The following ZNF528 variants were observed in gnomAD, a reference collection of about 807,000 sequenced individuals.
ZNF528 encodes zinc finger protein 528.
ZNF528 carries 9 observed loss-of-function variants against 13.3 expected under a neutral mutation model. That is an observed-to-expected ratio of 0.67 (90% CI 0.41 to 1.18). The LOEUF is 1.18. Ranked by LOEUF, ZNF528 falls within the 50% of genes most tolerant of loss-of-function variation. The pLI, the probability that ZNF528 is intolerant of heterozygous loss-of-function variation, is 0.01. For missense variants in ZNF528, 858 were observed against 745.4 expected (o/e 1.15, Z -1.76); for synonymous variants, 264 against 254.3 (o/e 1.04, Z -0.36).
chr19:52,416,123 T>C lies in ZNF528; in HGVS notation c.1271T>C (p.Leu424Pro). The C allele has an allele frequency of 6.2e-7, 1 of 1,614,030 alleles. No homozygotes were observed. Among genetic ancestry groups the C allele is most frequent in the South Asian group, 1.1e-5 (1 of 91,072 alleles). The change falls in exon 7 of 7, where the codon CTT (leucine) becomes CCT (proline). Residue 424 changes from leucine to proline, a missense_variant. By Grantham distance (98) the Leu-to-Pro change is moderately conservative (BLOSUM62 -3). Coordinates refer to ENST00000360465, the MANE Select transcript of ZNF528 (RefSeq NM_032423.3). ...AAGATCTTTAGTCAGAAATCAGACC[T>C]TATACGACATCGAAAAACTCATACT... ...CGKIFSQKSD[L>P]IRHRKTHTDE...
chr19:52,414,876 C>T, intron 6 of ZNF528: 1 of 1,359,254 alleles, frequency 7.4e-7, no homozygotes. Context: ...TTTTCAGTCT[C>T]TGTTGTATTT....
intron 4 of ZNF528, among the ~76,000 whole-genome samples, chr19:52,405,578 A>G (rs1374235127): frequency 6.6e-6 from 1 of 152,148 alleles, no homozygotes; most frequent in Admixed American, 6.5e-5. Flanking sequence ...TGAAGACACC[A>G]CTTGAATTGA....
intron 5 of ZNF528, 52 bp from the exon 6 acceptor site, chr19:52,406,463 C>T: frequency 6.3e-7 from 1 of 1,587,526 alleles, no homozygotes; most frequent in Non-Finnish European, 8.5e-7. Flanking sequence ...AAATACAGGG[C>T]TTGGACTTGG....
intron 5 of ZNF528, 52 bp downstream of exon 5, chr19:52,406,085 A>G (rs1258051944): frequency 1.3e-6 from 2 of 1,568,906 alleles, no homozygotes; most frequent in Non-Finnish European, 8.6e-7. Flanking sequence ...GGATCTCTGA[A>G]TTGTGTCTTA....
chr19:52,413,811 C>T (rs75441830), intron 6 of ZNF528: 7,136 of 177,138 alleles, frequency 0.04, 206 homozygotes, highest in Non-Finnish European at 0.061. Flanking sequence ...CAGAACAGTA[C>T]GAACCAGACT....
intron 2 of ZNF528, among the ~76,000 whole-genome samples, chr19:52,399,116 G>T (rs2058761973): frequency 1.3e-5 from 2 of 149,886 alleles, no homozygotes; most frequent in Non-Finnish European, 3.0e-5. Context: ...GAAGAGGAGG[G>T]ACTCAAAATG....
chr19:52,406,513 A>G lies in ZNF528; in HGVS notation c.143-2A>G. On this transcript the variant is annotated splice_acceptor_variant, in intron 5 of 6. Transcript: ENST00000360465. LOFTEE classifies it high-confidence loss of function. The stretch of plus-strand genomic sequence containing the variant: ...CACATTTATTCTTTCTTTTATAAAT[A>G]GGAATCTGTCTTCCTGACCTGAGTG... The G allele has an allele frequency of 6.2e-7, 1 of 1,612,746 alleles. No individual in the cohort carries two copies.
At chr19:52,410,361 G>A (rs1299594446) in intron 6 of ZNF528, among the ~76,000 whole-genome samples, 6 of 151,738 alleles carry the variant, frequency 4.0e-5, no homozygotes, top group Non-Finnish European at 2.9e-5. Flanking sequence ...GGTGATTGTC[G>A]GTCAGCGGCT....
chr19:52,404,593 A>T (rs981748512), intron 4 of ZNF528, among the ~76,000 whole-genome samples: 2 of 148,900 alleles, frequency 1.3e-5, no homozygotes, highest in East Asian at 4.1e-4. Context: ...ATCATTTTTT[A>T]TTTTATTTGT....
chr19:52,404,997 C>A (rs529599637), intron 4 of ZNF528, among the ~76,000 whole-genome samples: 17 of 151,640 alleles, frequency 1.1e-4, no homozygotes, highest in African/African-American at 4.1e-4. Flanking sequence ...GCAGGTGGAT[C>A]AGGAGGTCAA....
At chr19:52,407,786 A>C (rs2058877125) in intron 6 of ZNF528, among the ~76,000 whole-genome samples, 1 of 152,126 alleles carries the variant, frequency 6.6e-6, no homozygotes, top group Non-Finnish European at 1.5e-5. Flanking sequence ...AAAAAAAATA[A>C]AAATGCATTT....
chr19:52,416,152 G>T lies in ZNF528; in HGVS notation c.1300G>T (p.Glu434Ter). 1 of 1,614,104 alleles carries T rather than the reference G, an allele frequency of 6.2e-7. No homozygotes were observed. The highest frequency in any genetic ancestry group is 1.3e-5 in the African/African-American group (1 of 75,046). The change falls in exon 7 of 7, where the codon GAG becomes TAG. Residue 434 changes from glutamate (E) to a stop codon, truncating the protein, a stop_gained. Transcript: ENST00000360465. LOFTEE classifies it low-confidence loss of function (END_TRUNC). ...ACGACATCGAAAAACTCATACTGATGAGAAGCCTTACAAATGTAATAAATG... is the reference window on the plus strand; with the variant it reads ...ACGACATCGAAAAACTCATACTGATTAGAAGCCTTACAAATGTAATAAATG... ...LIRHRKTHTD[E>*]KPYKCNKCGT...
intron 6 of ZNF528, among the ~76,000 whole-genome samples, chr19:52,407,933 G>A (rs745579182): frequency 3.5e-4 from 53 of 151,650 alleles, no homozygotes; most frequent in Non-Finnish European, 1.2e-4. Context: ...GGCTGGTCTC[G>A]AACTCCTGGC....
intron 1 of ZNF528, chr19:52,398,125 C>T (rs1187599378): frequency 6.6e-6 from 1 of 152,178 alleles, no homozygotes; most frequent in East Asian, 1.9e-4. Context: ...CCCACGTAGA[C>T]ACCTCCTATC....
chr19:52,416,881 TCA>T lies in ZNF528; in HGVS notation c.*144_*145del. 1 of 773,828 alleles carries T rather than the reference TCA, an allele frequency of 1.3e-6. No individual in the cohort carries two copies. Among genetic ancestry groups the T allele is most frequent in the Non-Finnish European group, 2.0e-6 (1 of 491,546 alleles). 47.9% of individuals were successfully genotyped at this position (773,828 alleles called of 1,614,324 possible). ...TCAAGGCCTGCCAAATCACTGGACA[TCA>T]CCACATCACTGTGGAGGATGAAAGC... On this transcript the variant is annotated 3_prime_UTR_variant, in exon 7 of 7. Transcript: ENST00000360465.
In ZNF528 at chr19:52,416,883, A is replaced by G. The variant is rs2059012016; in HGVS notation, c.*144A>G. On this transcript the variant is annotated 3_prime_UTR_variant, in exon 7 of 7. Coordinates refer to ENST00000360465, the MANE Select transcript of ZNF528 (RefSeq NM_032423.3). ...AAGGCCTGCCAAATCACTGGACATCACCACATCACTGTGGAGGATGAAAGC... is the reference window on the plus strand; with the variant it reads ...AAGGCCTGCCAAATCACTGGACATCGCCACATCACTGTGGAGGATGAAAGC... 1.6e-5 allele frequency: 12 copies of G among 771,026 alleles called. No homozygotes were observed. Among genetic ancestry groups the G allele is most frequent in the Admixed American group, 5.9e-5 (2 of 33,712 alleles). 47.8% of individuals were successfully genotyped at this position (771,026 alleles called of 1,614,324 possible). A position where few individuals can be genotyped will look rare whatever the true frequency, so the allele number is the denominator to read the frequency against.
chr19:52,400,142 G>A (rs1400784369), intron 2 of ZNF528, among the ~76,000 whole-genome samples: 1 of 151,498 alleles, frequency 6.6e-6, no homozygotes, highest in African/African-American at 2.4e-5. Context: ...TGATGCCACG[G>A]CATCCCTCCT....
Position 52,410,108 on chromosome 19 carries a change from G to T in ZNF528, c.271+3465G>T, listed in dbSNP as rs573054075. On this transcript the variant is annotated intron_variant, in intron 6 of 6. Coordinates refer to ENST00000360465, the MANE Select transcript of ZNF528 (RefSeq NM_032423.3). ...ATGAGCCACTGCACTGGCTGTTCCA[G>T]TTCTTTTACATAAGAACTGTACAAG... 2.0e-5 allele frequency among the ~76,000 whole-genome samples: 3 copies of T among 152,310 alleles called. No individual in the cohort carries two copies. The East Asian group carries it at 5.8e-4, about 29-fold the overall frequency.
intron 6 of ZNF528, among the ~76,000 whole-genome samples, chr19:52,409,030 AG>A (rs1224867577): frequency 6.6e-6 from 1 of 152,266 alleles, no homozygotes; most frequent in African/African-American, 2.4e-5. Context: ...TTATTTTTGC[AG>A]GTGAGTTTTG....
Sources: gnomAD v4.1 joint callset for allele counts (sites outside exome capture counted in the v4.1 genomes callset) on GRCh38, gnomAD v4.1.1 for gene constraint, MANE v1.5 for transcripts, NCBI Gene and HGNC (gene_info 2026-07-23, HGNC 2026-07-21) for gene names.